RIPOR2: variants seen among roughly 807,000 people sequenced by gnomAD.
RIPOR2 encodes the protein RHO family interacting cell polarization regulator 2.
A neutral mutation model predicts 114.5 loss-of-function variants in RIPOR2; 39 were observed. That is an observed-to-expected ratio of 0.34 (90% CI 0.26 to 0.44). The LOEUF (loss-of-function observed/expected upper bound fraction) is 0.44. Among genes scored for constraint, RIPOR2 ranks in the 20% least tolerant of loss-of-function variants. RIPOR2 has a pLI of 1.00. For synonymous variants in RIPOR2, 445 were observed against 484.4 expected, an observed-to-expected ratio of 0.92 and a Z score of 1.07; for missense variants, 1,007 against 1,255.1, an observed-to-expected ratio of 0.80 and a Z score of 2.99.
At chr6:25,035,760 A>G (rs918237413) in intron 1 of RIPOR2, among the ~76,000 whole-genome samples, 2 of 152,186 alleles carry the variant, frequency 1.3e-5, no homozygotes, top group African/African-American at 4.8e-5. Flanking sequence ...CTCTGCAAGC[A>G]GGGGCCATCT....
At chr6:24,917,902 G>C (rs1173480571) in intron 1 of RIPOR2, among the ~76,000 whole-genome samples, 2 of 152,050 alleles carry the variant, frequency 1.3e-5, no homozygotes, top group Non-Finnish European at 2.9e-5. Context: ...CATGATCAGG[G>C]GAAACATTAA....
intron 1 of RIPOR2, among the ~76,000 whole-genome samples, chr6:25,026,042 G>GT (rs201831119): frequency 0.2 from 29,820 of 146,794 alleles, 3,639 homozygotes; most frequent in East Asian, 0.57. Flanking sequence ...TACAAAGATT[G>GT]TTGTTTTTTT....
intron 1 of RIPOR2, chr6:24,976,291 T>C (rs1244219439): frequency 1.5e-6 from 1 of 683,708 alleles, no homozygotes; most frequent in Non-Finnish European, 2.5e-6. Context: ...ATATATGCCT[T>C]GAAATATTGT....
chr6:25,010,909 T>C (rs1389082832), intron 1 of RIPOR2, among the ~76,000 whole-genome samples: 1 of 152,228 alleles, frequency 6.6e-6, no homozygotes, highest in African/African-American at 2.4e-5. Context: ...CCATGCGTGC[T>C]ACACTAGAAG....
chr6:24,943,513 C>T (rs1184250525), intron 1 of RIPOR2, among the ~76,000 whole-genome samples: 3 of 152,082 alleles, frequency 2.0e-5, no homozygotes, highest in Non-Finnish European at 4.4e-5. Context: ...TAAAGCCTTT[C>T]TTCCATAAAA....
chr6:24,811,757 C>G (rs1581466573), intron 20 of RIPOR2, among the ~76,000 whole-genome samples: 1 of 11,394 alleles, frequency 8.8e-5, no homozygotes, highest in Non-Finnish European at 5.6e-4. Flanking sequence ...TATACATGTG[C>G]CATGCTGGTG....
chr6:24,826,994 T>C (rs1760245793), intron 18 of RIPOR2, among the ~76,000 whole-genome samples: 1 of 152,062 alleles, frequency 6.6e-6, no homozygotes, highest in African/African-American at 2.4e-5. Flanking sequence ...TCATTCCCCA[T>C]TGTTGTTAGT....
intron 21 of RIPOR2, among the ~76,000 whole-genome samples, chr6:24,807,049 G>A (rs762852550): frequency 6.6e-6 from 1 of 152,114 alleles, no homozygotes; most frequent in Non-Finnish European, 1.5e-5. Context: ...TTAATGTTTT[G>A]TTCTATTTTT....
intron 8 of RIPOR2, among the ~76,000 whole-genome samples, chr6:24,855,537 TG>T (rs1763384315): frequency 6.6e-6 from 1 of 152,246 alleles, no homozygotes; most frequent in Non-Finnish European, 1.5e-5. Context: ...CAGAAACAGC[TG>T]TTAGTCCTAG....
In RIPOR2 at chr6:24,806,244, C is replaced by T; in HGVS notation, c.*129G>A. 1.4e-6 allele frequency: 1 copy of T among 711,178 alleles called. No homozygotes were observed. Among genetic ancestry groups the T allele is most frequent in the Non-Finnish European group, 2.4e-6 (1 of 411,442 alleles). 44.1% of individuals were successfully genotyped at this position (711,178 alleles called of 1,614,324 possible). On this transcript the variant is annotated 3_prime_UTR_variant, in exon 22 of 22. Coordinates refer to ENST00000643898, the MANE Select transcript of RIPOR2 (RefSeq NM_001286445.3). ...CTGGGATTACAGGCATGAGCCACTG[C>T]ACCTGGCCTACATTTTTATTTCAGT...
chr6:24,965,041 C>T (rs1429075160), intron 1 of RIPOR2, among the ~76,000 whole-genome samples: 2 of 152,010 alleles, frequency 1.3e-5, no homozygotes, highest in Non-Finnish European at 2.9e-5. Context: ...ATTGTCTTTG[C>T]TCTGTCATCT....
In RIPOR2 at chr6:24,852,436, T is replaced by C. The variant is rs1389838990; in HGVS notation, c.759+139A>G. 3 of 696,340 alleles carry C rather than the reference T, an allele frequency of 4.3e-6. No homozygotes were observed. The Admixed American group carries it at 8.3e-5, about 19-fold the overall frequency. 43.1% of individuals were successfully genotyped at this position (696,340 alleles called of 1,614,324 possible). A position where few individuals can be genotyped will look rare whatever the true frequency, so the allele number is the denominator to read the frequency against. On this transcript the variant is annotated intron_variant, in intron 9 of 21. Coordinates refer to ENST00000643898, the MANE Select transcript of RIPOR2 (RefSeq NM_001286445.3). ...GAAGTCCTGTACCAGTTTCCAGACTTTCTCATTGGCTTAAAATGTTTTTCA... is the reference window on the plus strand; with the variant it reads ...GAAGTCCTGTACCAGTTTCCAGACTCTCTCATTGGCTTAAAATGTTTTTCA...
rs1368402323 is a variant in RIPOR2, at chr6:24,883,705, T to C, written c.62-7888A>G. The stretch of plus-strand genomic sequence containing the variant: ...AGAGGAAGTGCCAAGAAATCAGGAC[T>C]TGGAAAAGCTGAATCAGTAAGCAAC... On this transcript the variant is annotated intron_variant, in intron 1 of 21. Transcript: ENST00000643898. The surrounding 1 kb of genome is among the most constrained non-coding windows in gnomAD (Gnocchi z 4.1). Among the ~76,000 whole-genome samples the C allele has an allele frequency of 6.6e-6, 1 of 152,222 alleles. No individual in the cohort carries two copies. The highest frequency in any genetic ancestry group is 2.4e-5 in the African/African-American group (1 of 41,470).
At chr6:25,024,465 A>C in intron 1 of RIPOR2, 12 of 868,844 alleles carry the variant, frequency 1.4e-5, no homozygotes, top group Non-Finnish European at 2.1e-5. Context: ...CAGAACTCTC[A>C]TGGAGCCTTT....
intron 12 of RIPOR2, among the ~76,000 whole-genome samples, chr6:24,846,181 G>A (rs74570698): frequency 8.6e-5 from 13 of 152,016 alleles, no homozygotes; most frequent in South Asian, 2.1e-4. Context: ...TAACGGTTGC[G>A]TGTATAGCTG....
rs186491309 is a variant in RIPOR2, at chr6:24,933,665, C to T, written c.61+2173G>A. The stretch of plus-strand genomic sequence containing the variant: ...GTGCAACGCAAACATTATGCATCTA[C>T]TATGAAGATAATCTGTACAACCGAT... On this transcript the variant is annotated intron_variant, in intron 1 of 21. Transcript: ENST00000643898. Among the ~76,000 whole-genome samples, 7 of 152,332 alleles carry T rather than the reference C, an allele frequency of 4.6e-5. No individual in the cohort carries two copies. In the East Asian group the frequency reaches 1.3e-3, roughly 29 times the overall value.
rs1468039944 is a variant in RIPOR2, at chr6:24,849,878, C to A, written c.958G>T (p.Ala320Ser). ...ACAGCCACTACCTGAGGTCGGGCTG[C>A]AAACAGCTCTTTGGTCTCACAGGTC... is the stretch of plus-strand genomic sequence containing the variant. ...SVTCETKELFAARPQVVAVDI... is the reference protein window; with the variant it reads ...SVTCETKELFSARPQVVAVDI... Residue 320 changes from alanine to serine, a missense_variant, in exon 11 of 22, where the codon GCA (alanine) becomes TCA (serine). Transcript: ENST00000643898. 2 of 1,613,882 alleles carry A rather than the reference C, an allele frequency of 1.2e-6. No homozygotes were observed. The highest frequency in any genetic ancestry group is 1.1e-5 in the South Asian group (1 of 91,086).
intron 1 of RIPOR2, among the ~76,000 whole-genome samples, chr6:24,902,315 A>G (rs2114021165): frequency 6.6e-6 from 1 of 151,756 alleles, no homozygotes; most frequent in East Asian, 1.9e-4. Context: ...CCTGGGTTCA[A>G]GTGATTCTCC....
chr6:24,973,315 C>T (rs61555713), intron 1 of RIPOR2, among the ~76,000 whole-genome samples: 17,641 of 151,972 alleles, frequency 0.12, 2,345 homozygotes, highest in African/African-American at 0.32. Context: ...GAACATCATC[C>T]TTCTAGGCTG....
Sources: gnomAD v4.1 joint callset for allele counts (sites outside exome capture counted in the v4.1 genomes callset) on GRCh38, gnomAD v4.1.1 for gene constraint, Gnocchi (gnomAD v3.1) non-coding constraint, MANE v1.5 for transcripts, NCBI Gene and HGNC (gene_info 2026-07-23, HGNC 2026-07-21) for gene names.